SCUBE1: variants seen among roughly 807,000 people sequenced by gnomAD.
SCUBE1 encodes signal peptide, CUB domain and EGF like domain containing 1, also known as signal peptide, CUB and EGF-like domain-containing protein 1.
SCUBE1 carries 59 observed loss-of-function variants against 124.4 expected under a neutral mutation model. The observed-to-expected ratio is 0.47, with a 90% confidence interval of 0.38 to 0.59. The LOEUF is 0.59. Among genes scored for constraint, SCUBE1 ranks in the 20% least tolerant of loss-of-function variants. The pLI is 0.00. For synonymous variants in SCUBE1, 545 were observed against 550.9 expected, an observed-to-expected ratio of 0.99 and a Z score of 0.15; for missense variants, 1,150 against 1,371.2, an observed-to-expected ratio of 0.84 and a Z score of 2.55.
At chr22:43,276,287 T>A (rs1924513814) in intron 4 of SCUBE1, among the ~76,000 whole-genome samples, 1 of 151,672 alleles carries the variant, frequency 6.6e-6, no homozygotes, top group Non-Finnish European at 1.5e-5. Flanking sequence ...AGGGGAGAGC[T>A]AGGAGAGGGC....
intron 14 of SCUBE1, among the ~76,000 whole-genome samples, chr22:43,218,883 A>G (rs1005664571): frequency 1.3e-5 from 2 of 151,294 alleles, no homozygotes; most frequent in Non-Finnish European, 2.9e-5. Flanking sequence ...CCACTCTGAC[A>G]CTCCCTGTGG....
intron 6 of SCUBE1, among the ~76,000 whole-genome samples, chr22:43,250,063 A>T (rs1023342098): frequency 3.9e-5 from 6 of 152,218 alleles, no homozygotes; most frequent in African/African-American, 1.4e-4. Context: ...TTCATCCTCA[A>T]ATCGATAGGA....
In SCUBE1 at chr22:43,343,334, G is replaced by GCGCTGCT. The variant is rs1171461369; in HGVS notation, c.-80_-74dup. ...CCCGACCGACCGGCCGCTCCCGCAG[G>GCGCTGCT]CGCTGCTCGCTGCTCGCCGCTCCGC... is the stretch of plus-strand genomic sequence containing the variant. On this transcript the variant is annotated 5_prime_UTR_variant, in exon 1 of 22. Transcript: ENST00000360835. 2.2e-5 allele frequency: 16 copies of GCGCTGCT among 732,838 alleles called. No homozygotes were observed. The Admixed American group carries it at 4.5e-4, about 21-fold the overall frequency. The allele number at this position is 732,838 out of a possible 1,614,324, so 45.4% of individuals were successfully genotyped here.
At chr22:43,220,346 T>C in intron 14 of SCUBE1, 104 bp downstream of exon 14, 2 of 1,330,004 alleles carry the variant, frequency 1.5e-6, no homozygotes, top group Non-Finnish European at 2.1e-6. Flanking sequence ...ACAGCTGTGC[T>C]CTGGTGGGAG....
chr22:43,225,665 G>A (rs553457242), intron 10 of SCUBE1, among the ~76,000 whole-genome samples: 7 of 151,752 alleles, frequency 4.6e-5, no homozygotes, highest in South Asian at 2.1e-4. Context: ...GCCTCTCAAA[G>A]TGCTGGGATT....
At chr22:43,291,825 AC>A (rs1389472328) in intron 3 of SCUBE1, among the ~76,000 whole-genome samples, 3 of 152,188 alleles carry the variant, frequency 2.0e-5, no homozygotes, top group Non-Finnish European at 4.4e-5. Context: ...TCTCACAGCA[AC>A]CCTGTAAGTC....
intron 6 of SCUBE1, among the ~76,000 whole-genome samples, chr22:43,247,580 T>C (rs1274527643): frequency 4.6e-5 from 7 of 152,198 alleles, no homozygotes; most frequent in Non-Finnish European, 1.0e-4. Flanking sequence ...TGCTGGGAGC[T>C]GCTGGGAGCT....
rs8141320 is a variant in SCUBE1 at position 43,245,554 on chromosome 22, G to C, written c.728-6600C>G. ...AGGAGAACACGGGACAGGACACCCC[G>C]GCAGGCTCCTCCAGAGCCAGCGCTG... On this transcript the variant is annotated intron_variant, in intron 6 of 21. Transcript: ENST00000360835. 5.9e-3 allele frequency among the ~76,000 whole-genome samples: 897 copies of C among 152,262 alleles called. 13 individuals carry two copies. The highest frequency in any genetic ancestry group is 0.021 in the African/African-American group (860 of 41,534).
rs191167447 is a variant in SCUBE1 at position 43,273,602 on chromosome 22, C to T, written c.485-10757G>A. ...TTTTTTTTTGAGACAGAGTCTCACTCTGCCGCCCAGGCTGGAGTGCAGTGG... is the reference window on the plus strand; with the variant it reads ...TTTTTTTTTGAGACAGAGTCTCACTTTGCCGCCCAGGCTGGAGTGCAGTGG... On this transcript the variant is annotated intron_variant, in intron 4 of 21. Coordinates refer to ENST00000360835, the MANE Select transcript of SCUBE1 (RefSeq NM_173050.5). 2.4e-3 allele frequency among the ~76,000 whole-genome samples: 266 copies of T among 110,500 alleles called. 1 individual carries two copies. Among genetic ancestry groups the T allele is most frequent in the African/African-American group, 8.8e-3 (255 of 29,000 alleles). 72.5% of individuals were successfully genotyped at this position (110,500 alleles called of 152,430 possible).
At chr22:43,342,752 C>T (rs1927367066) in intron 1 of SCUBE1, among the ~76,000 whole-genome samples, 1 of 151,970 alleles carries the variant, frequency 6.6e-6, no homozygotes. Flanking sequence ...CCGTCCCGGT[C>T]TCTCGGTCCG....
intron 2 of SCUBE1, among the ~76,000 whole-genome samples, chr22:43,320,793 G>A (rs577098603): frequency 6.6e-6 from 1 of 152,312 alleles, no homozygotes; most frequent in Admixed American, 6.5e-5. Flanking sequence ...GCACAGTGAG[G>A]CTAAAACCTT....
At chr22:43,273,055 C>T (rs530121291) in intron 4 of SCUBE1, among the ~76,000 whole-genome samples, 1 of 152,346 alleles carries the variant, frequency 6.6e-6, no homozygotes, top group African/African-American at 2.4e-5. Flanking sequence ...TCCTTCACTC[C>T]CTCAATTGAC....
At chr22:43,317,476 G>A (rs1926392324) in intron 3 of SCUBE1, among the ~76,000 whole-genome samples, 1 of 152,110 alleles carries the variant, frequency 6.6e-6, no homozygotes, top group African/African-American at 2.4e-5. Context: ...CACTGCTCAC[G>A]ACAACCCTGT....
chr22:43,264,827 A>G (rs953124771), intron 4 of SCUBE1, among the ~76,000 whole-genome samples: 6 of 152,178 alleles, frequency 3.9e-5, no homozygotes, highest in African/African-American at 1.4e-4. Flanking sequence ...CCTATCTTCC[A>G]TAAACTAAAT....
At chr22:43,278,086 G>C (rs559708784) in intron 4 of SCUBE1, among the ~76,000 whole-genome samples, 15 of 152,234 alleles carry the variant, frequency 9.9e-5, no homozygotes, top group Admixed American at 3.9e-4. Flanking sequence ...CTTACCAGCC[G>C]AAAGAGTTGT....
At position 43,343,229 on chromosome 22, in the gene SCUBE1, G is replaced by A. The variant is rs1272526532; in HGVS notation, c.33C>T (p.Cys11=). The A allele has an allele frequency of 8.3e-7, 1 of 1,209,414 alleles. No individual in the cohort carries two copies. The highest frequency in any genetic ancestry group is 1.0e-6 in the Non-Finnish European group (1 of 966,984). The allele number at this position is 1,209,414 out of a possible 1,614,324, so 74.9% of individuals were successfully genotyped here. A position where few individuals can be genotyped will look rare whatever the true frequency, so the allele number is the denominator to read the frequency against. ...CGCGTGTGCCCAGGGCCAGCAGCAC[G>A]CACAAGTGCCAGCGCACGGCCGCCG... MGAAAVRWHL[C]VLLALGTRGR... The change falls in exon 1 of 22, where the codon TGC becomes TGT. Residue 11 remains cysteine (C), a synonymous_variant. Transcript: ENST00000360835.
chr22:43,336,358 C>T (rs1288259945), intron 2 of SCUBE1, among the ~76,000 whole-genome samples: 1 of 152,180 alleles, frequency 6.6e-6, no homozygotes, highest in Non-Finnish European at 1.5e-5. Flanking sequence ...ACAGACCCCA[C>T]ACTCCGCACT....
chr22:43,335,577 A>G (rs926800632), intron 2 of SCUBE1, among the ~76,000 whole-genome samples: 4 of 152,204 alleles, frequency 2.6e-5, no homozygotes, highest in Non-Finnish European at 5.9e-5. Flanking sequence ...AGGAATTTCC[A>G]GCTCATGCAG....
At chr22:43,241,398 C>G (rs139022) in intron 6 of SCUBE1, among the ~76,000 whole-genome samples, 182 of 152,162 alleles carry the variant, frequency 1.2e-3, no homozygotes, top group Middle Eastern at 3.4e-3. Flanking sequence ...GGATCCGGTA[C>G]GGAGCATCAG....
Sources: allele counts gnomAD v4.1 joint callset (sites outside exome capture counted in the v4.1 genomes callset), GRCh38; gene constraint gnomAD v4.1.1; transcripts MANE v1.5; gene names NCBI Gene and HGNC (gene_info 2026-07-23, HGNC 2026-07-21).